The following BRWD1 variants were observed in gnomAD, a reference collection of about 807,000 sequenced individuals.
BRWD1 encodes the protein bromodomain and WD repeat-containing protein 1.
In BRWD1, 82 loss-of-function variants were observed where a neutral mutation model predicts 251.2. The observed-to-expected ratio is 0.33, with a 90% CI of 0.27 to 0.39. The LOEUF (loss-of-function observed/expected upper bound fraction) is 0.39, where lower values mean the gene tolerates loss of function less well. Among genes scored for constraint, BRWD1 ranks in the 10% least tolerant of loss-of-function variants. The pLI is 1.00. For missense variants in BRWD1, 2,233 were observed against 2,711.6 expected (o/e 0.82, Z 3.92); for synonymous variants, 918 against 902.8 (o/e 1.02, Z -0.30).
chr21:39,223,885 T>A (rs1191961621), intron 29 of BRWD1, among the ~76,000 whole-genome samples: 1 of 152,214 alleles, frequency 6.6e-6, no homozygotes, highest in African/African-American at 2.4e-5. Context: ...AGTCTCGCTG[T>A]CGCCTAGGCT....
chr21:39,297,263 C>A (rs1015112888), intron 5 of BRWD1: 2 of 985,304 alleles, frequency 2.0e-6, no homozygotes, highest in East Asian at 1.1e-4. Flanking sequence ...GCCTCGGGTG[C>A]CCCAAACTAA....
chr21:39,295,175 GTTTTTTTTTTTTT>G (rs869129436), intron 7 of BRWD1, among the ~76,000 whole-genome samples: 1 of 64,670 alleles, frequency 1.5e-5, no homozygotes, highest in Non-Finnish European at 2.8e-5. Flanking sequence ...GTATGTCTAT[GTTTTTTTTTTTTT>G]TTTTTTTTTT....
At chr21:39,270,098 A>G (rs2035051493) in intron 14 of BRWD1, 65 bp from the exon 15 acceptor site, 2 of 1,355,894 alleles carry the variant, frequency 1.5e-6, no homozygotes, top group South Asian at 1.7e-5. Flanking sequence ...ATTTAAAAAT[A>G]CATACTGTTA....
chr21:39,244,640 T>C (rs958408319), intron 21 of BRWD1, among the ~76,000 whole-genome samples: 3 of 152,128 alleles, frequency 2.0e-5, no homozygotes, highest in Admixed American at 6.6e-5. Flanking sequence ...ATAATGATAA[T>C]GGCACTACAT....
At chr21:39,285,479 A>G (rs1347801808) in intron 8 of BRWD1, among the ~76,000 whole-genome samples, 1 of 152,224 alleles carries the variant, frequency 6.6e-6, no homozygotes, top group Non-Finnish European at 1.5e-5. Flanking sequence ...AAGATTTTGA[A>G]TATTACCACA....
intron 2 of BRWD1, 55 bp downstream of exon 2, chr21:39,313,186 G>T: frequency 6.6e-7 from 1 of 1,507,048 alleles, no homozygotes; most frequent in Non-Finnish European, 8.9e-7. Flanking sequence ...GCGACCCCCG[G>T]CGGCGGGGAC....
In BRWD1 at chr21:39,213,537, T is replaced by C. The variant is rs1337065215; in HGVS notation, c.3802A>G (p.Asn1268Asp). 5.6e-6 allele frequency: 9 copies of C among 1,610,912 alleles called. No individual in the cohort carries two copies. In the East Asian group the frequency reaches 1.8e-4, roughly 32 times the overall value. ...GATGTGTTAGAAAGTTCTGAGATAT[T>C]TGTACAGTGTTGATTCCTAAAAAAC... ...LKFIKNQHCT[N>D]ISELSNTSEN... The change falls in exon 33 of 41, where the codon AAT becomes GAT. Residue 1268 changes from asparagine (N) to aspartate (D), a missense_variant. Physicochemically the swap from Asn to Asp is conservative, Grantham distance 23 (BLOSUM62 1). Around this residue, in one of 12 missense-constraint regions of BRWD1, gnomAD observed 167 missense variants for 183.2 expected, o/e 0.91. Transcript: ENST00000342449.
At chr21:39,312,960 C>CG in intron 3 of BRWD1, 60 bp from the exon 4 acceptor site, 1 of 275,774 alleles carries the variant, frequency 3.6e-6, no homozygotes, top group Non-Finnish European at 4.4e-6. Context: ...GGGCGGGGGG[C>CG]GGGGGGCCGG....
intron 27 of BRWD1, among the ~76,000 whole-genome samples, chr21:39,226,372 T>G (rs1412357083): frequency 1.3e-5 from 2 of 151,902 alleles, no homozygotes; most frequent in African/African-American, 4.8e-5. Flanking sequence ...GGAAGCAAAA[T>G]GAATTAAAGT....
chr21:39,319,083 G>C (rs2036724806), intron 1 of BRWD1, among the ~76,000 whole-genome samples: 1 of 152,132 alleles, frequency 6.6e-6, no homozygotes, highest in South Asian at 2.1e-4. Context: ...GACTTTCAAA[G>C]TAAAAATGAA....
chr21:39,267,530 C>T (rs904176666), intron 15 of BRWD1, among the ~76,000 whole-genome samples: 15 of 151,926 alleles, frequency 9.9e-5, no homozygotes, highest in Admixed American at 2.6e-4. Flanking sequence ...ACCCGGGAGG[C>T]GGAGCTTGCA....
At chr21:39,248,803 T>C (rs115985267) in intron 20 of BRWD1, among the ~76,000 whole-genome samples, 2,318 of 152,236 alleles carry the variant, frequency 0.015, 58 homozygotes, top group African/African-American at 0.053. Flanking sequence ...AGCAGTTTGA[T>C]GATCCCTCAA....
intron 20 of BRWD1, among the ~76,000 whole-genome samples, chr21:39,248,186 A>G (rs1242432711): frequency 1.3e-5 from 2 of 152,240 alleles, no homozygotes; most frequent in Non-Finnish European, 2.9e-5. Flanking sequence ...TGCAGTAAGC[A>G]ACTTCTCAAG....
chr21:39,298,526 G>A lies in BRWD1; in HGVS notation c.255C>T (p.Ile85=), dbSNP rs747686290. The part of the protein sequence containing the change: ...PDHLLQICQR[I]GPMLDKEIPP... ...GAATTTCTTTATCCAACATAGGACC[G>A]ATGCGCTGGCAGATTTGCAAAAGAT... The change falls in exon 5 of 41, where the codon ATC becomes ATT. Residue 85 remains isoleucine, a synonymous_variant. Transcript: ENST00000342449. 4.3e-6 allele frequency: 7 copies of A among 1,609,526 alleles called. No individual in the cohort carries two copies. Among genetic ancestry groups the A allele is most frequent in the South Asian group, 1.1e-5 (1 of 90,200 alleles).
At chr21:39,234,409 C>T (rs2033735668) in intron 23 of BRWD1, among the ~76,000 whole-genome samples, 1 of 152,122 alleles carries the variant, frequency 6.6e-6, no homozygotes, top group Non-Finnish European at 1.5e-5. Context: ...GAAACAATTA[C>T]ATTAAAGCAA....
intron 4 of BRWD1, among the ~76,000 whole-genome samples, chr21:39,301,152 C>A (rs1274104799): frequency 6.7e-6 from 1 of 149,748 alleles, no homozygotes; most frequent in African/African-American, 2.5e-5. Context: ...GCACTCCAGC[C>A]TGGGTGACAG....
Position 39,187,206 on chromosome 21 carries a change from C to G in BRWD1, c.*9053G>C. The stretch of plus-strand genomic sequence containing the variant: ...GATGGGGCAGTTTTCTGCTACTCTT[C>G]CTAATCCAGACATTTTCTGGTCCTG... On this transcript the variant is annotated 3_prime_UTR_variant, in exon 41 of 41. Coordinates refer to ENST00000342449, the MANE Select transcript of BRWD1 (RefSeq NM_033656.4). The G allele has an allele frequency of 6.2e-7, 1 of 1,613,430 alleles. No homozygotes were observed. The highest frequency in any genetic ancestry group is 8.5e-7 in the Non-Finnish European group (1 of 1,179,834).
chr21:39,240,164 T>A (rs1005544814), intron 21 of BRWD1, among the ~76,000 whole-genome samples: 5 of 152,204 alleles, frequency 3.3e-5, no homozygotes, highest in Non-Finnish European at 7.3e-5. Flanking sequence ...ACTAGCTATA[T>A]GATTCCAATT....
Position 39,296,257 on chromosome 21 carries a change from T to G in BRWD1, c.448+8A>C, listed in dbSNP as rs763286168. The G allele has an allele frequency of 2.5e-6, 4 of 1,584,366 alleles. No individual in the cohort carries two copies. The South Asian group carries it at 3.5e-5, about 14-fold the overall frequency. On this transcript the variant is annotated splice_region_variant and intron_variant, in intron 6 of 40. Coordinates refer to ENST00000342449, the MANE Select transcript of BRWD1 (RefSeq NM_033656.4). ...ATTTCAGGCATCTCAAAGGCCAACC[T>G]TACTTACCAAGATTTGGTGGGGAAC...
Sources: allele counts gnomAD v4.1 joint callset (sites outside exome capture counted in the v4.1 genomes callset), GRCh38; gene constraint gnomAD v4.1.1; regional missense constraint gnomAD v4.1.1; transcripts MANE v1.5; gene names NCBI Gene and HGNC (gene_info 2026-07-23, HGNC 2026-07-21).